WDR7: variants seen among roughly 807,000 people sequenced by gnomAD.
WDR7 encodes the protein WD repeat domain 7.
Under a neutral mutation model 169.4 loss-of-function variants are expected in WDR7, and 46 were observed. That is an observed-to-expected ratio of 0.27 (90% CI 0.21 to 0.35). The LOEUF is 0.35. Among genes scored for constraint, WDR7 ranks in the 10% least tolerant of loss-of-function variants. The probability of loss-of-function intolerance (pLI) is 1.00; values close to 1 mark genes in which losing one functional copy is unlikely to be tolerated. For synonymous variants in WDR7, 612 were observed against 666.8 expected (o/e 0.92, Z 1.27); for missense variants, 1,534 against 1,859.3 (o/e 0.83, Z 3.22).
chr18:57,019,173 A>C (rs572141965), intron 26 of WDR7, among the ~76,000 whole-genome samples: 1 of 152,318 alleles, frequency 6.6e-6, no homozygotes, highest in Non-Finnish European at 1.5e-5. Flanking sequence ...TAGTGTACTC[A>C]AGTGATTGAG....
At chr18:56,824,752 C>T (rs2045166891) in intron 20 of WDR7, among the ~76,000 whole-genome samples, 1 of 152,108 alleles carries the variant, frequency 6.6e-6, no homozygotes, top group South Asian at 2.1e-4. Flanking sequence ...ATTAGCTCTA[C>T]CGAGTTAGTC....
intron 20 of WDR7, among the ~76,000 whole-genome samples, chr18:56,840,956 A>G (rs941896241): frequency 6.6e-6 from 1 of 151,932 alleles, no homozygotes; most frequent in Admixed American, 6.6e-5. Context: ...TTGAGGGGCC[A>G]AGACAGGGGG....
chr18:57,010,817 T>A (rs370211884), intron 26 of WDR7, among the ~76,000 whole-genome samples: 4 of 152,250 alleles, frequency 2.6e-5, no homozygotes, highest in African/African-American at 9.6e-5. Flanking sequence ...CATTAATAGG[T>A]GAATTAATGT....
intron 1 of WDR7, among the ~76,000 whole-genome samples, chr18:56,668,909 T>C (rs2025076819): frequency 6.6e-6 from 1 of 152,126 alleles, no homozygotes; most frequent in South Asian, 2.1e-4. Context: ...TTTTTTTTTT[T>C]TTTAAATAAT....
At chr18:56,750,326 C>G (rs181446970) in intron 14 of WDR7, among the ~76,000 whole-genome samples, 12 of 152,284 alleles carry the variant, frequency 7.9e-5, no homozygotes, top group Non-Finnish European at 1.6e-4. Flanking sequence ...ATATGTCTAT[C>G]TTACTACCCT....
chr18:56,672,355 G>A (rs561801045), intron 1 of WDR7, 142 bp from the exon 2 acceptor site: 5 of 284,794 alleles, frequency 1.8e-5, no homozygotes, highest in Non-Finnish European at 2.4e-5. Context: ...GTTTTTTTTT[G>A]AAAATAATAA....
intron 7 of WDR7, among the ~76,000 whole-genome samples, chr18:56,688,972 A>G (rs2025506815): frequency 6.6e-6 from 1 of 152,194 alleles, no homozygotes; most frequent in Non-Finnish European, 1.5e-5. Flanking sequence ...ATTGTCCAGT[A>G]TTTATTAAAA....
chr18:57,030,805 C>T (rs552268905), downstream of WDR7: 5 of 150,726 alleles, frequency 3.3e-5, no homozygotes, highest in South Asian at 2.1e-4. Context: ...ATCGTCAATA[C>T]ATACAAATAC....
intron 2 of WDR7, among the ~76,000 whole-genome samples, chr18:56,673,633 A>G (rs2025181972): frequency 6.6e-6 from 1 of 152,080 alleles, no homozygotes; most frequent in Non-Finnish European, 1.5e-5. Context: ...CAGGAGTTTG[A>G]GACCAGCCTG....
chr18:56,661,236 C>T lies in WDR7; in HGVS notation c.-20+9660C>T, dbSNP rs1328386191. On this transcript the variant is annotated intron_variant, in intron 1 of 27. Coordinates refer to ENST00000254442, the MANE Select transcript of WDR7 (RefSeq NM_015285.3). ...TTAGAGGTGGGTGGCAGGAGAAAGT[C>T]GAAGTTGGTTCAACCAAATGGAATT... 5.3e-5 allele frequency among the ~76,000 whole-genome samples: 8 copies of T among 151,456 alleles called. No individual in the cohort carries two copies. The East Asian group carries it at 7.7e-4, about 15-fold the overall frequency.
At chr18:56,934,219 T>C (rs2046927477) in intron 22 of WDR7, among the ~76,000 whole-genome samples, 1 of 152,218 alleles carries the variant, frequency 6.6e-6, no homozygotes. Flanking sequence ...ATAATCTGAA[T>C]TTTACAATAA....
In WDR7 at chr18:56,739,016, T is replaced by C. The variant is rs1480941457; in HGVS notation, c.1989+7419T>C. Among the ~76,000 whole-genome samples, 3 of 151,924 alleles carry C rather than the reference T, an allele frequency of 2.0e-5. No individual in the cohort carries two copies. The South Asian group carries it at 6.2e-4, about 32-fold the overall frequency. ...TCCAAGTTTCCTAGACTGCTGGATT[T>C]TTTTTTTCTAAATTGCTTCTTTATA... is the stretch of plus-strand genomic sequence containing the variant. On this transcript the variant is annotated intron_variant, in intron 14 of 27. Coordinates refer to ENST00000254442, the MANE Select transcript of WDR7 (RefSeq NM_015285.3).
intron 1 of WDR7, among the ~76,000 whole-genome samples, chr18:56,656,258 C>T (rs2024768366): frequency 6.6e-6 from 1 of 150,646 alleles, no homozygotes; most frequent in Admixed American, 6.6e-5. Flanking sequence ...TCGTCTTCCA[C>T]TAGCATTTGA....
chr18:56,856,578 A>T (rs886753865), intron 20 of WDR7, among the ~76,000 whole-genome samples: 3 of 151,822 alleles, frequency 2.0e-5, no homozygotes, highest in Non-Finnish European at 4.4e-5. Flanking sequence ...TATAATTTTT[A>T]AAATCTTTTT....
At chr18:56,919,632 T>C (rs978579560) in intron 21 of WDR7, among the ~76,000 whole-genome samples, 1 of 152,172 alleles carries the variant, frequency 6.6e-6, no homozygotes, top group African/African-American at 2.4e-5. Flanking sequence ...AGGATATAAA[T>C]TGTGTACTAG....
At chr18:56,812,831 C>T (rs2044895205) in intron 19 of WDR7, among the ~76,000 whole-genome samples, 1 of 151,998 alleles carries the variant, frequency 6.6e-6, no homozygotes, top group African/African-American at 2.4e-5. Flanking sequence ...ACATTGAGTG[C>T]CGATTTTTCC....
intron 21 of WDR7, among the ~76,000 whole-genome samples, chr18:56,916,723 G>T (rs1207688042): frequency 6.6e-6 from 1 of 152,160 alleles, no homozygotes; most frequent in Non-Finnish European, 1.5e-5. Flanking sequence ...TATTGTATTA[G>T]TATACACCAC....
intron 14 of WDR7, among the ~76,000 whole-genome samples, chr18:56,746,244 C>G (rs1439550652): frequency 6.6e-6 from 1 of 152,158 alleles, no homozygotes; most frequent in Non-Finnish European, 1.5e-5. Flanking sequence ...ATGTCTTCCA[C>G]TGATCTCTCT....
intron 16 of WDR7, among the ~76,000 whole-genome samples, chr18:56,769,957 T>C (rs1316604823): frequency 6.6e-6 from 1 of 152,202 alleles, no homozygotes; most frequent in Non-Finnish European, 1.5e-5. Context: ...TTTGATTTGC[T>C]GTGGAAGCTC....
Sources: gnomAD v4.1 joint callset for allele counts (sites outside exome capture counted in the v4.1 genomes callset) on GRCh38, gnomAD v4.1.1 for gene constraint, MANE v1.5 for transcripts, NCBI Gene and HGNC (gene_info 2026-07-23, HGNC 2026-07-21) for gene names.